Variants in EDIL3 observed in about 807,000 individuals in gnomAD.
EDIL3 encodes EGF like and discoidin domains 3.
In EDIL3, 37 loss-of-function variants were observed where a neutral mutation model predicts 67.4. The observed-to-expected ratio is 0.55, with a 90% CI of 0.42 to 0.72. The LOEUF is 0.72. Among genes scored for constraint, EDIL3 ranks in the 30% least tolerant of loss-of-function variants. The probability of loss-of-function intolerance (pLI) is 0.00; values close to 1 mark genes in which losing one functional copy is unlikely to be tolerated. For synonymous variants in EDIL3, 195 were observed against 196.3 expected, an observed-to-expected ratio of 0.99 and a Z score of 0.05; for missense variants, 527 against 586.3, an observed-to-expected ratio of 0.90 and a Z score of 1.04.
chr5:84,129,983 G>A (rs1381314901), intron 5 of EDIL3, among the ~76,000 whole-genome samples: 3 of 152,042 alleles, frequency 2.0e-5, no homozygotes, highest in Non-Finnish European at 4.4e-5. Flanking sequence ...AAAGACAAAG[G>A]ATCTGTTTAT....
intron 2 of EDIL3, among the ~76,000 whole-genome samples, chr5:84,236,157 C>G (rs1744678142): frequency 6.6e-6 from 1 of 151,966 alleles, no homozygotes; most frequent in Non-Finnish European, 1.5e-5. Context: ...AGAATGCAAG[C>G]TTTGGGTTCA....
At position 84,137,184 on chromosome 5, in the gene EDIL3, T is replaced by TATACACACACAC. The variant is rs533756025; in HGVS notation, c.469+56_469+57insGTGTGTGTGTAT. 1.2e-5 allele frequency: 11 copies of TATACACACACAC among 901,890 alleles called. No homozygotes were observed. In the African/African-American group the frequency reaches 1.6e-4, roughly 13 times the overall value. The allele number at this position is 901,890 out of a possible 1,614,324, so 55.9% of individuals were successfully genotyped here. A position where few individuals can be genotyped will look rare whatever the true frequency, so the allele number is the denominator to read the frequency against. On this transcript the variant is annotated intron_variant, in intron 5 of 10. Coordinates refer to ENST00000296591, the MANE Select transcript of EDIL3 (RefSeq NM_005711.5). ...ATACATATATGTGTGTGTGTATACA[T>TATACACACACAC]ACACACACACACACACACACACACA...
chr5:84,356,337 C>T (rs374714171), intron 1 of EDIL3, among the ~76,000 whole-genome samples: 5 of 152,312 alleles, frequency 3.3e-5, no homozygotes, highest in South Asian at 2.1e-4. Flanking sequence ...ATTAAAAGAA[C>T]GGCCAGGATT....
chr5:84,124,800 T>G (rs1485968367), intron 5 of EDIL3, among the ~76,000 whole-genome samples: 1 of 151,968 alleles, frequency 6.6e-6, no homozygotes, highest in African/African-American at 2.4e-5. Flanking sequence ...TCACCAAAGC[T>G]CCTATGACAA....
At chr5:84,025,043 G>T (rs1225507866) in intron 9 of EDIL3, among the ~76,000 whole-genome samples, 3 of 151,954 alleles carry the variant, frequency 2.0e-5, no homozygotes, top group Admixed American at 1.3e-4. Context: ...CCCTCCAGTA[G>T]ATATTTTTGT....
intron 5 of EDIL3, 139 bp from the exon 6 acceptor site, chr5:84,106,969 A>G (rs66516283): frequency 0.08 from 72,356 of 904,322 alleles, 3,390 homozygotes; most frequent in Middle Eastern, 0.11. Context: ...CCCTTTACAG[A>G]TCTGTTATCG....
intron 1 of EDIL3, among the ~76,000 whole-genome samples, chr5:84,311,490 C>T (rs1347037481): frequency 6.6e-6 from 1 of 151,682 alleles, no homozygotes; most frequent in East Asian, 1.9e-4. Context: ...GAAGGGCATG[C>T]AAAAGGGCTT....
At position 84,166,334 on chromosome 5, in the gene EDIL3, T is replaced by G. The variant is rs150539076; in HGVS notation, c.355+14059A>C. Among the ~76,000 whole-genome samples the G allele has an allele frequency of 9.6e-4, 145 of 151,822 alleles. 2 individuals are homozygous for G. Among genetic ancestry groups the G allele is most frequent in the African/African-American group, 3.4e-3 (139 of 41,180 alleles). ...TAAAGACACATACTATTTAAGAGTTTTTGTTTGTTTGTTTGTTCTCCCTTG... is the reference window on the plus strand; with the variant it reads ...TAAAGACACATACTATTTAAGAGTTGTTGTTTGTTTGTTTGTTCTCCCTTG... On this transcript the variant is annotated intron_variant, in intron 4 of 10. Transcript: ENST00000296591.
At chr5:84,283,387 C>G (rs909634141) in intron 1 of EDIL3, among the ~76,000 whole-genome samples, 12 of 152,132 alleles carry the variant, frequency 7.9e-5, no homozygotes, top group African/African-American at 2.7e-4. Context: ...TTCACCCTAA[C>G]TTCAATTTTT....
At chr5:84,273,974 A>AT (rs1284692857) in intron 1 of EDIL3, among the ~76,000 whole-genome samples, 2 of 152,004 alleles carry the variant, frequency 1.3e-5, no homozygotes, top group East Asian at 3.9e-4. Flanking sequence ...TTCTGTCAAG[A>AT]TTTTGACCAC....
intron 5 of EDIL3, among the ~76,000 whole-genome samples, chr5:84,131,900 TAAAC>T (rs996685992): frequency 3.9e-5 from 6 of 152,032 alleles, no homozygotes; most frequent in Non-Finnish European, 8.8e-5. Context: ...AGTATGTACT[TAAAC>T]AAATATACTT....
chr5:84,225,686 T>G (rs1206796435), intron 3 of EDIL3, among the ~76,000 whole-genome samples: 2 of 151,592 alleles, frequency 1.3e-5, no homozygotes, highest in African/African-American at 4.8e-5. Context: ...ATTATTTACT[T>G]TAAAAATAGT....
At chr5:84,132,220 G>T (rs891204142) in intron 5 of EDIL3, among the ~76,000 whole-genome samples, 1 of 141,652 alleles carries the variant, frequency 7.1e-6, no homozygotes, top group African/African-American at 2.7e-5. Flanking sequence ...CCTGGGAGAC[G>T]GAGAGAGACT....
At chr5:84,030,894 A>T (rs1228927878) in intron 9 of EDIL3, among the ~76,000 whole-genome samples, 1 of 152,018 alleles carries the variant, frequency 6.6e-6, no homozygotes, top group Non-Finnish European at 1.5e-5. Context: ...TGCCATAACA[A>T]AGTGCCACCA....
At chr5:83,983,271 A>G (rs1745002407) in intron 9 of EDIL3, among the ~76,000 whole-genome samples, 1 of 152,108 alleles carries the variant, frequency 6.6e-6, no homozygotes, top group Non-Finnish European at 1.5e-5. Flanking sequence ...GAGTGCTCCA[A>G]TCATGTTTCT....
intron 9 of EDIL3, among the ~76,000 whole-genome samples, chr5:84,059,096 C>T (rs543578851): frequency 1.3e-5 from 2 of 151,954 alleles, no homozygotes; most frequent in African/African-American, 4.8e-5. Flanking sequence ...GTAAGGCCAA[C>T]TGAAGAAAAA....
intron 1 of EDIL3, among the ~76,000 whole-genome samples, chr5:84,275,743 G>A (rs1745572572): frequency 6.6e-6 from 1 of 152,142 alleles, no homozygotes; most frequent in South Asian, 2.1e-4. Context: ...CACAGACAGT[G>A]GATATGAAAG....
At chr5:84,196,816 G>A (rs1390072241) in intron 3 of EDIL3, 1 of 151,930 alleles carries the variant, frequency 6.6e-6, no homozygotes, top group Non-Finnish European at 1.5e-5. Flanking sequence ...ACTGTATTTT[G>A]TCTTATCCCA....
At chr5:84,377,555 A>G (rs67044933) in intron 1 of EDIL3, among the ~76,000 whole-genome samples, 27,255 of 152,118 alleles carry the variant, frequency 0.18, 3,191 homozygotes, top group African/African-American at 0.34. Flanking sequence ...CTGACCTAAA[A>G]TACAAGAGGG....
Sources: gnomAD v4.1 joint callset for allele counts (sites outside exome capture counted in the v4.1 genomes callset) on GRCh38, gnomAD v4.1.1 for gene constraint, MANE v1.5 for transcripts, NCBI Gene and HGNC (gene_info 2026-07-23, HGNC 2026-07-21) for gene names.